GABRB1: variants seen among roughly 807,000 people sequenced by gnomAD.
GABRB1 encodes the protein gamma-aminobutyric acid receptor subunit beta-1.
Under a neutral mutation model 51.6 loss-of-function variants are expected in GABRB1, and 17 were observed. That is an observed-to-expected ratio of 0.33 (90% CI 0.23 to 0.49). The LOEUF (loss-of-function observed/expected upper bound fraction) is 0.49. Ranked by LOEUF, GABRB1 falls within the 20% of genes least tolerant of loss-of-function variation. GABRB1 has a pLI of 0.99. For missense variants in GABRB1, 410 were observed against 600.6 expected (o/e 0.68, Z 3.32); for synonymous variants, 247 against 218.9 (o/e 1.13, Z -1.14).
intron 4 of GABRB1, among the ~76,000 whole-genome samples, chr4:47,277,097 C>A (rs974978762): frequency 3.9e-5 from 6 of 151,976 alleles, no homozygotes; most frequent in African/African-American, 1.5e-4. Context: ...TTAATGTAGG[C>A]AACAGGACTT....
At position 47,292,559 on chromosome 4, in the gene GABRB1, G is replaced by A. The variant is rs60476387; in HGVS notation, c.462-27568G>A. ...GAGTTTTAAACAGTACATCCCCTGA[G>A]CTTAAAACAATTTATGGAAAGCAAA... On this transcript the variant is annotated intron_variant, in intron 4 of 8. Transcript: ENST00000295454. Among the ~76,000 whole-genome samples, 1,443 of 152,318 alleles carry A rather than the reference G, an allele frequency of 9.5e-3. 22 individuals carry two copies. The highest frequency in any genetic ancestry group is 0.033 in the African/African-American group (1,352 of 41,570).
chr4:47,188,871 A>G (rs956218705), intron 4 of GABRB1, among the ~76,000 whole-genome samples: 5 of 152,044 alleles, frequency 3.3e-5, no homozygotes, highest in African/African-American at 1.2e-4. Context: ...ATAAATGTGC[A>G]TCAATATCTG....
At chr4:47,385,307 T>C (rs1386554067) in intron 5 of GABRB1, among the ~76,000 whole-genome samples, 2 of 152,272 alleles carry the variant, frequency 1.3e-5, no homozygotes, top group Admixed American at 1.3e-4. Flanking sequence ...GTTACAGTAC[T>C]GTGAAACTCA....
At chr4:47,209,828 T>C (rs1484931230) in intron 4 of GABRB1, among the ~76,000 whole-genome samples, 1 of 152,056 alleles carries the variant, frequency 6.6e-6, no homozygotes, top group Non-Finnish European at 1.5e-5. Flanking sequence ...AGTTTGTGAC[T>C]AGTAAGATAT....
chr4:47,176,598 G>T (rs1192802663), intron 4 of GABRB1, among the ~76,000 whole-genome samples: 4 of 152,052 alleles, frequency 2.6e-5, no homozygotes, highest in African/African-American at 9.7e-5. Context: ...CTAAGAGGGA[G>T]ACCTAGATTT....
intron 3 of GABRB1, among the ~76,000 whole-genome samples, chr4:47,053,358 T>C (rs907593718): frequency 3.9e-5 from 6 of 152,140 alleles, no homozygotes; most frequent in African/African-American, 9.7e-5. Context: ...GGTGAGGTCT[T>C]CTTAGTTCAT....
chr4:47,004,160 TTG>T (rs1724314331), intron 1 of GABRB1, among the ~76,000 whole-genome samples: 1 of 152,046 alleles, frequency 6.6e-6, no homozygotes, highest in Admixed American at 6.5e-5. Flanking sequence ...GTCTAACTTT[TTG>T]TGTTTTAGTA....
At chr4:47,169,113 A>G (rs900998810) in intron 4 of GABRB1, among the ~76,000 whole-genome samples, 9 of 152,132 alleles carry the variant, frequency 5.9e-5, no homozygotes, top group African/African-American at 1.7e-4. Flanking sequence ...TCCACATATG[A>G]ATTTGACGAG....
chr4:47,375,421 G>A (rs1325805238), intron 5 of GABRB1, among the ~76,000 whole-genome samples: 2 of 152,186 alleles, frequency 1.3e-5, no homozygotes, highest in African/African-American at 4.8e-5. Flanking sequence ...TGTTAGATGA[G>A]GTCAGTGTTA....
At chr4:47,348,334 T>C (rs761388652) in intron 5 of GABRB1, among the ~76,000 whole-genome samples, 8 of 152,106 alleles carry the variant, frequency 5.3e-5, no homozygotes, top group Admixed American at 4.6e-4. Context: ...AAACTCAGAG[T>C]CAGGAATGAT....
At chr4:47,254,747 C>G (rs1722136536) in intron 4 of GABRB1, among the ~76,000 whole-genome samples, 1 of 152,136 alleles carries the variant, frequency 6.6e-6, no homozygotes, top group South Asian at 2.1e-4. Context: ...GCTATATTGT[C>G]AGCCTCTTTT....
At chr4:47,349,026 A>C (rs1363638848) in intron 5 of GABRB1, among the ~76,000 whole-genome samples, 5 of 152,196 alleles carry the variant, frequency 3.3e-5, no homozygotes, top group Admixed American at 3.3e-4. Flanking sequence ...ATAAACACGG[A>C]TGCCATCTAC....
chr4:47,060,353 T>C (rs1726794772), intron 3 of GABRB1, among the ~76,000 whole-genome samples: 1 of 152,130 alleles, frequency 6.6e-6, no homozygotes, highest in African/African-American at 2.4e-5. Context: ...AGTAAAGAGG[T>C]GTCATATGCA....
At chr4:47,341,790 C>G (rs1379557238) in intron 5 of GABRB1, among the ~76,000 whole-genome samples, 1 of 152,130 alleles carries the variant, frequency 6.6e-6, no homozygotes, top group African/African-American at 2.4e-5. Context: ...TTGGACAGAG[C>G]CCTTCCTTTC....
At chr4:47,235,508 C>T (rs1323007040) in intron 4 of GABRB1, among the ~76,000 whole-genome samples, 1 of 150,898 alleles carries the variant, frequency 6.6e-6, no homozygotes, top group Non-Finnish European at 1.5e-5. Flanking sequence ...GAGATCCTGC[C>T]ATTGCACTCC....
At chr4:47,014,460 A>AT (rs753735175) in intron 1 of GABRB1, among the ~76,000 whole-genome samples, 22 of 151,862 alleles carry the variant, frequency 1.4e-4, no homozygotes, top group Non-Finnish European at 2.5e-4. Context: ...TATAAAGCAA[A>AT]TTTTTTTTCC....
At chr4:47,331,588 G>C (rs968766488) in intron 5 of GABRB1, among the ~76,000 whole-genome samples, 1 of 151,932 alleles carries the variant, frequency 6.6e-6, no homozygotes, top group Non-Finnish European at 1.5e-5. Context: ...ATTCCAAAGA[G>C]GAAGTGTAAA....
At chr4:47,355,942 A>C (rs1560349136) in intron 5 of GABRB1, among the ~76,000 whole-genome samples, 1 of 152,206 alleles carries the variant, frequency 6.6e-6, no homozygotes, top group Non-Finnish European at 1.5e-5. Context: ...TTGCTCTATA[A>C]AATAATGTGT....
intron 3 of GABRB1, among the ~76,000 whole-genome samples, chr4:47,157,947 TA>T (rs1286713102): frequency 1.3e-5 from 2 of 152,138 alleles, no homozygotes; most frequent in Non-Finnish European, 2.9e-5. Context: ...TTTCACTGGA[TA>T]ACTTCTATAG....
Sources: gnomAD v4.1 joint callset for allele counts (sites outside exome capture counted in the v4.1 genomes callset) on GRCh38, gnomAD v4.1.1 for gene constraint, MANE v1.5 for transcripts, NCBI Gene and HGNC (gene_info 2026-07-23, HGNC 2026-07-21) for gene names.